The following SLC35F4 variants were observed in gnomAD, a reference collection of about 807,000 sequenced individuals.
The protein encoded by SLC35F4 is solute carrier family 35 member F4, also known as chromosome 14 open reading frame 36.
SLC35F4 carries 24 observed loss-of-function variants against 44.2 expected under a neutral mutation model. That is an observed-to-expected ratio of 0.54 (90% CI 0.39 to 0.76). The LOEUF is 0.76. Among genes scored for constraint, SLC35F4 ranks in the 30% least tolerant of loss-of-function variants. The probability of loss-of-function intolerance (pLI) is 0.00; values close to 1 mark genes in which losing one functional copy is unlikely to be tolerated. For missense variants in SLC35F4, 562 were observed against 586.1 expected, an observed-to-expected ratio of 0.96 and a Z score of 0.42; for synonymous variants, 238 against 223.6, an observed-to-expected ratio of 1.06 and a Z score of -0.57.
At chr14:57,874,534 A>G (rs1888357611) in intron 1 of SLC35F4, among the ~76,000 whole-genome samples, 1 of 152,176 alleles carries the variant, frequency 6.6e-6, no homozygotes, top group Non-Finnish European at 1.5e-5. Flanking sequence ...GCCCAGTGCA[A>G]AGTTTACAAA....
intron 1 of SLC35F4, among the ~76,000 whole-genome samples, chr14:57,711,379 C>A (rs1355476906): frequency 6.6e-6 from 1 of 152,074 alleles, no homozygotes; most frequent in African/African-American, 2.4e-5. Flanking sequence ...TTCTTCACAG[C>A]AGCGTGAGAA....
intron 1 of SLC35F4, among the ~76,000 whole-genome samples, chr14:57,604,655 C>G (rs1225177743): frequency 3.3e-5 from 5 of 152,252 alleles, no homozygotes; most frequent in Admixed American, 2.6e-4. Flanking sequence ...TAAAGCAATC[C>G]TAAGCAAAAA....
intron 1 of SLC35F4, among the ~76,000 whole-genome samples, chr14:57,923,884 A>C (rs1490133866): frequency 6.6e-6 from 1 of 152,186 alleles, no homozygotes; most frequent in Non-Finnish European, 1.5e-5. Context: ...CTGTGTCCCC[A>C]CCCAAATCTT....
At chr14:57,727,090 C>G (rs530253751) in intron 1 of SLC35F4, among the ~76,000 whole-genome samples, 1 of 151,144 alleles carries the variant, frequency 6.6e-6, no homozygotes, top group South Asian at 2.1e-4. Context: ...ACCTTGTGAT[C>G]GTGTGAGTTA....
intron 1 of SLC35F4, among the ~76,000 whole-genome samples, chr14:57,735,822 A>G (rs1318235480): frequency 6.6e-6 from 1 of 151,896 alleles, no homozygotes; most frequent in East Asian, 1.9e-4. Context: ...TCCTGGGCTC[A>G]AGCAATTCTC....
At chr14:57,601,000 T>A (rs1433070511) in intron 1 of SLC35F4, among the ~76,000 whole-genome samples, 2 of 152,040 alleles carry the variant, frequency 1.3e-5, no homozygotes, top group Non-Finnish European at 2.9e-5. Context: ...CATTTCAATT[T>A]ATTCTCTAAA....
intron 1 of SLC35F4, among the ~76,000 whole-genome samples, chr14:57,702,316 AAATATC>A (rs1339789561): frequency 1.4e-5 from 2 of 143,034 alleles, no homozygotes; most frequent in Non-Finnish European, 3.0e-5. Context: ...ATGCCCAAAT[AAATATC>A]ATTTTCTTTA....
intron 1 of SLC35F4, among the ~76,000 whole-genome samples, chr14:57,617,673 G>C (rs1373311705): frequency 6.6e-6 from 1 of 152,142 alleles, no homozygotes; most frequent in Non-Finnish European, 1.5e-5. Flanking sequence ...CAATAGTATG[G>C]ATAAGCAGTG....
At chr14:57,572,544 A>G (rs1290445039) in intron 4 of SLC35F4, among the ~76,000 whole-genome samples, 2 of 152,208 alleles carry the variant, frequency 1.3e-5, no homozygotes, top group African/African-American at 2.4e-5. Context: ...GAAAAAAGAA[A>G]GAAAATAAAT....
At chr14:57,892,361 A>G (rs1181496316) in intron 1 of SLC35F4, among the ~76,000 whole-genome samples, 1 of 152,152 alleles carries the variant, frequency 6.6e-6, no homozygotes, top group Non-Finnish European at 1.5e-5. Flanking sequence ...CCTCCTAAAT[A>G]TCCTTTCCAC....
intron 1 of SLC35F4, among the ~76,000 whole-genome samples, chr14:57,791,319 G>A (rs1315638984): frequency 6.6e-6 from 1 of 152,058 alleles, no homozygotes; most frequent in East Asian, 1.9e-4. Flanking sequence ...TCAAAAAATG[G>A]ACAAAGGATA....
chr14:57,887,092 G>A (rs1888666517), intron 1 of SLC35F4, among the ~76,000 whole-genome samples: 1 of 152,194 alleles, frequency 6.6e-6, no homozygotes, highest in Admixed American at 6.5e-5. Context: ...AATCTGTGGG[G>A]AATGCAGGAA....
chr14:57,695,604 T>A (rs537814659), intron 1 of SLC35F4, among the ~76,000 whole-genome samples: 3 of 151,940 alleles, frequency 2.0e-5, no homozygotes, highest in East Asian at 3.9e-4. Context: ...ATTGTGGAAG[T>A]CAGTGTGGCG....
chr14:57,569,694 A>C, intron 6 of SLC35F4, 94 bp downstream of exon 6: 1 of 1,315,738 alleles, frequency 7.6e-7, no homozygotes, highest in Non-Finnish European at 1.0e-6. Flanking sequence ...ACTAGAGCAC[A>C]GAGTTACCCA....
At chr14:57,975,404 C>T (rs1461652175), downstream of SLC35F4, among the ~76,000 whole-genome samples, 1 of 152,228 alleles carries the variant, frequency 6.6e-6, no homozygotes, top group Non-Finnish European at 1.5e-5. Flanking sequence ...GCCTTAGCTT[C>T]ATTCTTCACT....
At chr14:57,566,426 AAG>A in intron 7 of SLC35F4, 47 bp downstream of exon 7, 1 of 1,509,538 alleles carries the variant, frequency 6.6e-7, no homozygotes, top group Non-Finnish European at 9.0e-7. Context: ...AAACACAAGC[AAG>A]AGACTTGTAG....
chr14:57,894,668 A>G (rs541120922), intron 1 of SLC35F4, among the ~76,000 whole-genome samples: 20 of 152,240 alleles, frequency 1.3e-4, no homozygotes, highest in Admixed American at 7.9e-4. Context: ...CAGAATTTTT[A>G]TAAAATTTGG....
intron 1 of SLC35F4, chr14:57,630,744 G>A: frequency 1.9e-6 from 1 of 528,784 alleles, no homozygotes; most frequent in Non-Finnish European, 3.3e-6. Context: ...TCATAGTTTG[G>A]TTTACCTAAA....
intron 1 of SLC35F4, among the ~76,000 whole-genome samples, chr14:57,808,495 G>A (rs1038196619): frequency 1.3e-5 from 2 of 151,868 alleles, no homozygotes; most frequent in Non-Finnish European, 1.5e-5. Flanking sequence ...AAAAATAGCT[G>A]TTAATGATTA....
Sources: gnomAD v4.1 joint callset for allele counts (sites outside exome capture counted in the v4.1 genomes callset) on GRCh38, gnomAD v4.1.1 for gene constraint, MANE v1.5 for transcripts, NCBI Gene and HGNC (gene_info 2026-07-23, HGNC 2026-07-21) for gene names.